The following PCDH15 variants were observed in gnomAD, a reference collection of about 807,000 sequenced individuals.
The protein encoded by PCDH15 is protocadherin-15.
In PCDH15, 129 loss-of-function variants were observed where a neutral mutation model predicts 178.5. The observed-to-expected ratio is 0.72, with a 90% CI of 0.63 to 0.84. The LOEUF (loss-of-function observed/expected upper bound fraction) is 0.84. Among genes scored for constraint, PCDH15 ranks in the 40% least tolerant of loss-of-function variants. The pLI, the probability that PCDH15 is intolerant of heterozygous loss-of-function variation, is 0.00. For missense variants in PCDH15, 2,230 were observed against 2,099.9 expected, an observed-to-expected ratio of 1.06 and a Z score of -1.21; for synonymous variants, 800 against 732.0, an observed-to-expected ratio of 1.09 and a Z score of -1.50.
intron 2 of PCDH15, among the ~76,000 whole-genome samples, chr10:55,468,828 T>G (rs1196448741): frequency 3.3e-5 from 5 of 152,164 alleles, no homozygotes; most frequent in African/African-American, 1.2e-4. Context: ...CTGAACTATA[T>G]CTCCAGCTTT....
intron 10 of PCDH15, among the ~76,000 whole-genome samples, chr10:54,208,452 T>C (rs2051057632): frequency 6.6e-6 from 1 of 151,950 alleles, no homozygotes; most frequent in South Asian, 2.1e-4. Flanking sequence ...AATAGAGGTC[T>C]CATAAAAGTA....
chr10:53,971,279 A>T (rs989310314), intron 21 of PCDH15, among the ~76,000 whole-genome samples: 2 of 152,196 alleles, frequency 1.3e-5, no homozygotes, highest in African/African-American at 4.8e-5. Context: ...GTATTGATGT[A>T]ACCTATCTTA....
In PCDH15 at chr10:54,494,161, C is replaced by T. The variant is rs2079888753; in HGVS notation, c.157+33651G>A. On this transcript the variant is annotated intron_variant, in intron 3 of 37. Transcript: ENST00000644397. The stretch of plus-strand genomic sequence containing the variant: ...AAATGACGAGTTAATGGGTGCAGCA[C>T]ACCAGCATGGCACATGTATACATAT... 2.0e-5 allele frequency among the ~76,000 whole-genome samples: 3 copies of T among 151,670 alleles called. 1 individual carries two copies. The highest frequency in any genetic ancestry group is 4.2e-4 in the South Asian group (2 of 4,784).
intron 18 of PCDH15, among the ~76,000 whole-genome samples, chr10:54,056,427 A>G (rs1206550929): frequency 6.6e-6 from 1 of 152,204 alleles, no homozygotes; most frequent in Non-Finnish European, 1.5e-5. Flanking sequence ...TCATGGCAGA[A>G]GGTGAATGAG....
At chr10:54,595,324 G>A (rs1429063126) in intron 2 of PCDH15, among the ~76,000 whole-genome samples, 3 of 152,178 alleles carry the variant, frequency 2.0e-5, no homozygotes, top group Non-Finnish European at 2.9e-5. Flanking sequence ...AGCACACAAT[G>A]CAGAGTGCTG....
intron 2 of PCDH15, among the ~76,000 whole-genome samples, chr10:55,442,666 CT>C (rs1312163875): frequency 6.6e-6 from 1 of 150,696 alleles, no homozygotes; most frequent in African/African-American, 2.4e-5. Flanking sequence ...AAAAGAGATC[CT>C]GTAAATAAAT....
intron 2 of PCDH15, among the ~76,000 whole-genome samples, chr10:54,917,743 G>C (rs1837377540): frequency 6.6e-6 from 1 of 152,110 alleles, no homozygotes; most frequent in Non-Finnish European, 1.5e-5. Flanking sequence ...TTAAATTCAA[G>C]TTCCTTTTGG....
intron 2 of PCDH15, among the ~76,000 whole-genome samples, chr10:55,146,961 AGAAATAATCTATT>A (rs1838531040): frequency 6.6e-6 from 1 of 151,736 alleles, no homozygotes; most frequent in Non-Finnish European, 1.5e-5. Flanking sequence ...TGCAAAACAA[AGAAATAATCTATT>A]TTAAAAAGAA....
intron 1 of PCDH15, among the ~76,000 whole-genome samples, chr10:55,270,604 C>T (rs530135536): frequency 6.6e-6 from 1 of 151,894 alleles, no homozygotes; most frequent in South Asian, 2.1e-4. Flanking sequence ...CCATCTCACA[C>T]CAGTCAGAAT....
At chr10:53,945,869 A>C (rs376470721) in intron 23 of PCDH15, among the ~76,000 whole-genome samples, 1 of 88,096 alleles carries the variant, frequency 1.1e-5, no homozygotes, top group South Asian at 4.0e-4. Context: ...ATATATATAT[A>C]TATATATATA....
At chr10:55,298,042 T>C (rs1482645832) in intron 1 of PCDH15, among the ~76,000 whole-genome samples, 1 of 152,164 alleles carries the variant, frequency 6.6e-6, no homozygotes, top group African/African-American at 2.4e-5. Flanking sequence ...AAAGTGTAAC[T>C]TGTTAGTCAA....
At chr10:54,532,457 A>G (rs1363131460) in intron 2 of PCDH15, among the ~76,000 whole-genome samples, 1 of 152,096 alleles carries the variant, frequency 6.6e-6, no homozygotes, top group Non-Finnish European at 1.5e-5. Context: ...CTGCCTCATA[A>G]TATCAATTTA....
chr10:53,941,095 A>T, intron 23 of PCDH15, 120 bp from the exon 24 acceptor site: 1 of 691,564 alleles, frequency 1.4e-6, no homozygotes, highest in Non-Finnish European at 2.5e-6. Context: ...GCCCTCACAC[A>T]TTCATGGCCT....
chr10:54,500,516 T>A (rs2137399353), intron 3 of PCDH15, among the ~76,000 whole-genome samples: 1 of 151,818 alleles, frequency 6.6e-6, no homozygotes, highest in East Asian at 1.9e-4. Context: ...AGGACAGGGG[T>A]CTAGGATATG....
chr10:54,027,392 T>G (rs903261403), intron 18 of PCDH15, among the ~76,000 whole-genome samples: 1 of 152,018 alleles, frequency 6.6e-6, no homozygotes, highest in Non-Finnish European at 1.5e-5. Flanking sequence ...TTCAATGCCA[T>G]CCCCATCAAG....
At position 55,387,137 on chromosome 10, in the gene PCDH15, T is replaced by G. The variant is rs138639460; in HGVS notation, c.-155-220486A>C. The stretch of plus-strand genomic sequence containing the variant: ...ACTAAAGTAAGAAGAACAAAATAAT[T>G]TCCAAATGGCTTCCAAATGACTTCA... On this transcript the variant is annotated intron_variant, in intron 2 of 5. Coordinates refer to the PCDH15 transcript ENST00000613346. 4.7e-3 allele frequency among the ~76,000 whole-genome samples: 709 copies of G among 152,216 alleles called. 6 individuals carry two copies. The highest frequency in any genetic ancestry group is 0.016 in the African/African-American group (678 of 41,562).
intron 15 of PCDH15, among the ~76,000 whole-genome samples, chr10:54,097,438 A>G: frequency 6.6e-6 from 1 of 152,222 alleles, no homozygotes; most frequent in Non-Finnish European, 1.5e-5. Context: ...CACCTTATTC[A>G]ACTATTTGCT....
At chr10:54,649,255 C>A (rs2094201317) in intron 2 of PCDH15, among the ~76,000 whole-genome samples, 1 of 152,164 alleles carries the variant, frequency 6.6e-6, no homozygotes, top group African/African-American at 2.4e-5. Flanking sequence ...TCTACAAATA[C>A]TTTTCTAAAT....
chr10:54,159,749 TCCC>T (rs1362558938), intron 13 of PCDH15, among the ~76,000 whole-genome samples: 1 of 152,148 alleles, frequency 6.6e-6, no homozygotes. Flanking sequence ...GGTAGAATTG[TCCC>T]TGTATAGAAA....
Sources: allele counts gnomAD v4.1 joint callset (sites outside exome capture counted in the v4.1 genomes callset), GRCh38; gene constraint gnomAD v4.1.1; transcripts MANE v1.5; gene names NCBI Gene and HGNC (gene_info 2026-07-23, HGNC 2026-07-21).